GCNT2: variants seen among roughly 807,000 people sequenced by gnomAD.
GCNT2 encodes glucosaminyl (N-acetyl) transferase 2 (I blood group).
In GCNT2, 34 loss-of-function variants were observed where a neutral mutation model predicts 34.2. The observed-to-expected ratio is 1.00, with a 90% CI of 0.76 to 1.32. GCNT2 has a LOEUF of 1.32. GCNT2 is among the 40% of genes most tolerant of loss of function. The probability of loss-of-function intolerance (pLI) is 0.00; values close to 1 mark genes in which losing one functional copy is unlikely to be tolerated. For synonymous variants in GCNT2, 212 were observed against 188.0 expected (o/e 1.13, Z -1.04); for missense variants, 584 against 489.4 (o/e 1.19, Z -1.82).
chr6:10,528,573 G>A (rs1240662333), intron 2 of GCNT2, 58 bp from the exon 3 acceptor site: 5 of 368,928 alleles, frequency 1.4e-5, no homozygotes, highest in African/African-American at 2.1e-5. Flanking sequence ...ATTTCATGGT[G>A]GGAACAGGTG....
Position 10,574,224 on chromosome 6 carries a change from C to T in GCNT2, c.925+44388C>T, listed in dbSNP as rs1390096183. On this transcript the variant is annotated intron_variant, in intron 3 of 4. Coordinates refer to ENST00000495262, the MANE Select transcript of GCNT2 (RefSeq NM_145649.5). ...CTGCCCTGGCATATCTCGGACTGGC[C>T]AAGAGAAGCTTGTCCACTCATGGGT... Among the ~76,000 whole-genome samples the T allele has an allele frequency of 2.0e-5, 3 of 152,144 alleles. No homozygotes were observed. The South Asian group carries it at 6.3e-4, about 32-fold the overall frequency.
chr6:10,544,639 TAAATA>T (rs1762185695), intron 3 of GCNT2, among the ~76,000 whole-genome samples: 1 of 136,894 alleles, frequency 7.3e-6, no homozygotes, highest in South Asian at 2.3e-4. Flanking sequence ...AAATATTAAA[TAAATA>T]AATAAATAAA....
At chr6:10,548,845 C>T (rs1364799731) in intron 3 of GCNT2, among the ~76,000 whole-genome samples, 1 of 152,120 alleles carries the variant, frequency 6.6e-6, no homozygotes, top group Non-Finnish European at 1.5e-5. Context: ...TTGCAACCTC[C>T]ACCTCCTGGG....
chr6:10,524,984 C>T (rs1310392718), intron 1 of GCNT2, among the ~76,000 whole-genome samples: 2 of 152,112 alleles, frequency 1.3e-5, no homozygotes, highest in African/African-American at 4.8e-5. Context: ...GGCCCACCCC[C>T]CCGGTTTCTA....
chr6:10,613,533 T>C (rs1561837536), intron 3 of GCNT2, among the ~76,000 whole-genome samples: 1 of 152,150 alleles, frequency 6.6e-6, no homozygotes, highest in East Asian at 1.9e-4. Context: ...AATATAATAA[T>C]AATAGAATCG....
intron 3 of GCNT2, among the ~76,000 whole-genome samples, chr6:10,589,162 G>GTA (rs372396912): frequency 9.8e-5 from 11 of 112,800 alleles, no homozygotes; most frequent in Non-Finnish European, 1.5e-4. Flanking sequence ...GTGTGTGCGT[G>GTA]TGGTGTGTGT....
chr6:10,580,895 C>T (rs1047769437), intron 3 of GCNT2, among the ~76,000 whole-genome samples: 6 of 152,154 alleles, frequency 3.9e-5, no homozygotes, highest in African/African-American at 1.4e-4. Flanking sequence ...GTGTTGTTAG[C>T]CATAGTCCTT....
At chr6:10,577,394 A>G (rs1225990) in intron 3 of GCNT2, among the ~76,000 whole-genome samples, 4,452 of 152,182 alleles carry the variant, frequency 0.029, 191 homozygotes, top group African/African-American at 0.098. Context: ...GGGATCTGTC[A>G]CCCTGGGAAA....
intron 4 of GCNT2, among the ~76,000 whole-genome samples, chr6:10,625,709 C>T (rs887409563): frequency 1.3e-5 from 2 of 152,132 alleles, no homozygotes; most frequent in South Asian, 4.2e-4. Context: ...TTAGTAATAC[C>T]GTAGGCCCCC....
chr6:10,550,979 A>G (rs1762455605), intron 3 of GCNT2, among the ~76,000 whole-genome samples: 1 of 152,238 alleles, frequency 6.6e-6, no homozygotes, highest in Non-Finnish European at 1.5e-5. Context: ...TGTTTTGGTA[A>G]TACAATTAAT....
At chr6:10,578,891 T>G (rs1392023445) in intron 3 of GCNT2, among the ~76,000 whole-genome samples, 1 of 152,176 alleles carries the variant, frequency 6.6e-6, no homozygotes, top group South Asian at 2.1e-4. Context: ...ATTAACCACA[T>G]TGAGGAACTG....
chr6:10,568,719 G>A (rs1265678479), intron 3 of GCNT2, among the ~76,000 whole-genome samples: 4 of 152,042 alleles, frequency 2.6e-5, no homozygotes, highest in Non-Finnish European at 4.4e-5. Context: ...TTACCCCACC[G>A]TCAACTCCCA....
chr6:10,616,598 C>A (rs142650145), intron 3 of GCNT2, among the ~76,000 whole-genome samples: 1 of 152,062 alleles, frequency 6.6e-6, no homozygotes, highest in African/African-American at 2.4e-5. Flanking sequence ...ATACAGAGTG[C>A]CGATTGCTGC....
chr6:10,559,219 AC>A (rs959586957), intron 3 of GCNT2, among the ~76,000 whole-genome samples: 2 of 151,922 alleles, frequency 1.3e-5, no homozygotes, highest in African/African-American at 2.4e-5. Context: ...TTTTTTCCTT[AC>A]CCCTTTCTGA....
Position 10,556,677 on chromosome 6 carries a change from C to G in GCNT2, c.925+26841C>G, listed in dbSNP as rs17637756. The G allele has an allele frequency of 1.6e-3, 2,552 of 1,614,146 alleles. 3 individuals are homozygous for G. The highest frequency in any genetic ancestry group is 3.1e-3 in the Middle Eastern group (19 of 6,062). On this transcript the variant is annotated intron_variant, in intron 3 of 4. Coordinates refer to ENST00000495262, the MANE Select transcript of GCNT2 (RefSeq NM_145649.5). ...ACCCAGAGCCACTACATCACAGCCC[C>G]TTTATCTAAGGAAGAAGCTGACTTT...
chr6:10,622,232 T>C (rs1283407959), intron 4 of GCNT2, among the ~76,000 whole-genome samples: 1 of 152,200 alleles, frequency 6.6e-6, no homozygotes, highest in Non-Finnish European at 1.5e-5. Context: ...ATTCAGAATA[T>C]TGCCCAGCAT....
At chr6:10,552,093 G>A (rs984861471) in intron 3 of GCNT2, among the ~76,000 whole-genome samples, 2 of 152,260 alleles carry the variant, frequency 1.3e-5, no homozygotes, top group South Asian at 2.1e-4. Flanking sequence ...TTTGGGTTCT[G>A]TGATCTAGAC....
intron 3 of GCNT2, among the ~76,000 whole-genome samples, chr6:10,547,364 T>C (rs1403514166): frequency 1.3e-5 from 2 of 152,204 alleles, no homozygotes; most frequent in Admixed American, 1.3e-4. Context: ...ATCTGGGATC[T>C]GATCAAGAAT....
intron 3 of GCNT2, among the ~76,000 whole-genome samples, chr6:10,582,562 A>G (rs1764170820): frequency 7.3e-6 from 1 of 137,264 alleles, no homozygotes; most frequent in South Asian, 2.1e-4. Flanking sequence ...TATATATCAT[A>G]TATATTTAAA....
Sources: gnomAD v4.1 joint callset for allele counts (sites outside exome capture counted in the v4.1 genomes callset) on GRCh38, gnomAD v4.1.1 for gene constraint, MANE v1.5 for transcripts, NCBI Gene and HGNC (gene_info 2026-07-23, HGNC 2026-07-21) for gene names.